DCAF1: variants seen among roughly 807,000 people sequenced by gnomAD.
The protein encoded by DCAF1 is DDB1 and CUL4 associated factor 1, also known as DDB1- and CUL4-associated factor 1.
In DCAF1, 15 loss-of-function variants were observed where a neutral mutation model predicts 128.0. That is an observed-to-expected ratio of 0.12 (90% CI 0.08 to 0.18). The LOEUF is 0.18. Among genes scored for constraint, DCAF1 ranks in the 10% least tolerant of loss-of-function variants. DCAF1 has a pLI of 1.00. For synonymous variants in DCAF1, 610 were observed against 603.0 expected (o/e 1.01, Z -0.17); for missense variants, 988 against 1,649.5 (o/e 0.60, Z 6.95).
At chr3:51,412,109 T>TAAAAA (rs782087400) in intron 23 of DCAF1, among the ~76,000 whole-genome samples, 3 of 29,458 alleles carry the variant, frequency 1.0e-4, no homozygotes, top group South Asian at 1.0e-3. Context: ...AACTCCATTC[T>TAAAAA]AAAAAAAAAA....
chr3:51,484,171 C>G (rs1322014154), intron 2 of DCAF1, among the ~76,000 whole-genome samples: 1 of 152,038 alleles, frequency 6.6e-6, no homozygotes, highest in Non-Finnish European at 1.5e-5. Context: ...GTACCTTTCC[C>G]TCATCAAAAA....
chr3:51,414,094 C>G, intron 19 of DCAF1, 51 bp from the exon 20 acceptor site: 1 of 1,506,692 alleles, frequency 6.6e-7, no homozygotes, highest in Non-Finnish European at 8.9e-7. Context: ...CTTATCTAAT[C>G]TCATGGGAGG....
At chr3:51,454,068 T>C (rs1702628680) in intron 6 of DCAF1, among the ~76,000 whole-genome samples, 1 of 152,186 alleles carries the variant, frequency 6.6e-6, no homozygotes, top group African/African-American at 2.4e-5. Context: ...TTTTTTTTTC[T>C]GTCTCACTCT....
At chr3:51,437,266 CAAAAAAAAAA>C (rs71633071) in intron 9 of DCAF1, 15 of 256,604 alleles carry the variant, frequency 5.8e-5, no homozygotes, top group Admixed American at 1.7e-4. Context: ...GACTCCATGT[CAAAAAAAAAA>C]AAAAAAAAAA....
Position 51,420,169 on chromosome 3 carries a change from CGTGG to C in DCAF1, c.2797_2800del (p.Pro933GlyfsTer7). ...CAGAGCTAGCGGACCCTGGGGGGGC[CGTGG>C]CTGAGGATGAGCAGTAGGGGCAGAA... On this transcript the variant is annotated frameshift_variant, in exon 15 of 25. Coordinates refer to ENST00000684031, the MANE Select transcript of DCAF1 (RefSeq NM_001387579.1). LOFTEE classifies it high-confidence loss of function. This position sits in a 1 kb window ranked among gnomAD's most constrained non-coding sequence, Gnocchi z 6.5. The C allele has an allele frequency of 6.2e-7, 1 of 1,613,914 alleles. No homozygotes were observed. Among genetic ancestry groups the C allele is most frequent in the Non-Finnish European group, 8.5e-7 (1 of 1,179,876 alleles).
At chr3:51,467,502 G>A (rs1704251795) in intron 4 of DCAF1, among the ~76,000 whole-genome samples, 1 of 152,054 alleles carries the variant, frequency 6.6e-6, no homozygotes, top group African/African-American at 2.4e-5. Flanking sequence ...ACTGTTGTGG[G>A]GTGGGGAGAG....
At chr3:51,413,434 C>T (rs1698608906) in intron 20 of DCAF1, 48 bp from the exon 21 acceptor site, 1 of 1,577,004 alleles carries the variant, frequency 6.3e-7, no homozygotes, top group African/African-American at 1.3e-5. Context: ...CACAAACATC[C>T]CCTCTTCACA....
intron 4 of DCAF1, 90 bp downstream of exon 4, chr3:51,470,839 T>C (rs1255083836): frequency 3.1e-6 from 3 of 959,280 alleles, no homozygotes; most frequent in Non-Finnish European, 2.9e-6. Flanking sequence ...GCAATTTTTC[T>C]TTTTTAGAAA....
At chr3:51,488,911 G>A (rs1229889618) in intron 2 of DCAF1, among the ~76,000 whole-genome samples, 1 of 152,174 alleles carries the variant, frequency 6.6e-6, no homozygotes, top group African/African-American at 2.4e-5. Flanking sequence ...GTTGCAGTAA[G>A]CCAAGATAGC....
intron 3 of DCAF1, among the ~76,000 whole-genome samples, chr3:51,480,891 A>G (rs527861438): frequency 1.3e-5 from 2 of 152,228 alleles, no homozygotes; most frequent in Non-Finnish European, 2.9e-5. Flanking sequence ...TCTTGAAAGC[A>G]CATACTATGT....
chr3:51,446,993 T>TAATAAA (rs1553640395), intron 6 of DCAF1, among the ~76,000 whole-genome samples: 2 of 147,542 alleles, frequency 1.4e-5, no homozygotes, highest in Non-Finnish European at 3.0e-5. Context: ...ATAATAATAA[T>TAATAAA]AATAATAAAA....
upstream of DCAF1, among the ~76,000 whole-genome samples, chr3:51,502,119 G>A (rs145567661): frequency 1.3e-5 from 2 of 152,246 alleles, no homozygotes; most frequent in East Asian, 1.9e-4. Flanking sequence ...TGGTCTAGCC[G>A]GCCCAGTGGT....
At chr3:51,453,336 A>C (rs1702544898) in intron 6 of DCAF1, among the ~76,000 whole-genome samples, 1 of 152,144 alleles carries the variant, frequency 6.6e-6, no homozygotes, top group African/African-American at 2.4e-5. Flanking sequence ...TAACTATAAT[A>C]AGACTTCCAG....
intron 23 of DCAF1, among the ~76,000 whole-genome samples, chr3:51,406,912 G>A (rs142527491): frequency 2.0e-3 from 308 of 152,282 alleles, no homozygotes; most frequent in Middle Eastern, 6.8e-3. Context: ...CCTACACTTT[G>A]GCTGGGCGCA....
Position 51,420,160 on chromosome 3 carries a change from T to C in DCAF1, c.2810A>G (p.Gln937Arg). The C allele has an allele frequency of 6.2e-7, 1 of 1,613,788 alleles. No homozygotes were observed. The highest frequency in any genetic ancestry group is 8.5e-7 in the Non-Finnish European group (1 of 1,179,852). ...PTAHPQPRPP[Q>R]GPLALPGPSY... ...TGGGCCGGGCAGAGCTAGCGGACCCTGGGGGGGCCGTGGCTGAGGATGAGC... is the reference window on the plus strand; with the variant it reads ...TGGGCCGGGCAGAGCTAGCGGACCCCGGGGGGGCCGTGGCTGAGGATGAGC... Residue 937 changes from glutamine to arginine, a missense_variant, in exon 15 of 25, where the codon CAG (glutamine) becomes CGG (arginine). Physicochemically the swap from Gln to Arg is conservative, Grantham distance 43. Transcript: ENST00000684031. The surrounding 1 kb of genome is among the most constrained non-coding windows in gnomAD (Gnocchi z 6.5).
At chr3:51,486,199 T>C (rs1344586229) in intron 2 of DCAF1, among the ~76,000 whole-genome samples, 2 of 149,956 alleles carry the variant, frequency 1.3e-5, no homozygotes, top group African/African-American at 2.4e-5. Flanking sequence ...GATTCTTTTT[T>C]TTTTTTTTTT....
chr3:51,413,722 C>A (rs1698634516), intron 20 of DCAF1, among the ~76,000 whole-genome samples: 1 of 152,180 alleles, frequency 6.6e-6, no homozygotes, highest in Non-Finnish European at 1.5e-5. Context: ...AAATTTCTTT[C>A]CATACAAGAT....
intron 6 of DCAF1, among the ~76,000 whole-genome samples, chr3:51,457,404 G>A (rs1342104082): frequency 6.6e-6 from 1 of 152,162 alleles, no homozygotes; most frequent in Admixed American, 6.6e-5. Flanking sequence ...CAAGAAATAT[G>A]GGACTATGTG....
At chr3:51,492,717 G>A (rs916244459) in intron 2 of DCAF1, among the ~76,000 whole-genome samples, 3 of 152,126 alleles carry the variant, frequency 2.0e-5, no homozygotes, top group Non-Finnish European at 2.9e-5. Context: ...GGGTGGCCCC[G>A]GGCGCGGTGG....
Sources: gnomAD v4.1 joint callset for allele counts (sites outside exome capture counted in the v4.1 genomes callset) on GRCh38, gnomAD v4.1.1 for gene constraint, Gnocchi (gnomAD v3.1) non-coding constraint, MANE v1.5 for transcripts, NCBI Gene and HGNC (gene_info 2026-07-23, HGNC 2026-07-21) for gene names.